Variants in HLTF observed in about 807,000 individuals in gnomAD.
HLTF encodes DNA-dependent ATPase/E3 ubiquitin-protein ligase HLTF.
In HLTF, 127 loss-of-function variants were observed where a neutral mutation model predicts 129.4. That is an observed-to-expected ratio of 0.98 (90% CI 0.85 to 1.14). The LOEUF (loss-of-function observed/expected upper bound fraction) is 1.14, where lower values mean the gene tolerates loss of function less well. Ranked by LOEUF, HLTF falls within the 50% of genes most tolerant of loss-of-function variation. The pLI is 0.00. For missense variants in HLTF, 1,139 were observed against 1,187.1 expected, an observed-to-expected ratio of 0.96 and a Z score of 0.60; for synonymous variants, 332 against 388.8, an observed-to-expected ratio of 0.85 and a Z score of 1.72.
intron 2 of HLTF, among the ~76,000 whole-genome samples, chr3:149,078,854 C>A (rs1433376378): frequency 1.6e-5 from 2 of 127,106 alleles, no homozygotes; most frequent in Non-Finnish European, 1.6e-5. Flanking sequence ...AAGACTCCGT[C>A]TCAAAAAAAA....
chr3:149,044,747 A>G (rs577213175), intron 18 of HLTF, among the ~76,000 whole-genome samples: 1 of 152,294 alleles, frequency 6.6e-6, no homozygotes, highest in Admixed American at 6.5e-5. Context: ...TATGCAGGTA[A>G]AAAGGCTTGA....
At chr3:149,073,651 T>C (rs1559879831) in intron 4 of HLTF, among the ~76,000 whole-genome samples, 1 of 152,214 alleles carries the variant, frequency 6.6e-6, no homozygotes, top group Non-Finnish European at 1.5e-5. Context: ...CCACTGATCG[T>C]GGCCACTGTA....
chr3:149,050,703 G>A (rs745827729), intron 14 of HLTF, among the ~76,000 whole-genome samples: 1 of 152,092 alleles, frequency 6.6e-6, no homozygotes, highest in Non-Finnish European at 1.5e-5. Flanking sequence ...TTAGTTAGCA[G>A]ACTTAATAAT....
At chr3:149,041,411 C>T in intron 20 of HLTF, 79 bp downstream of exon 20, 1 of 878,486 alleles carries the variant, frequency 1.1e-6, no homozygotes, top group Non-Finnish European at 1.6e-6. Context: ...TGCAAAACTC[C>T]ATATACTATC....
Position 149,040,042 on chromosome 3 carries a change from A to G in HLTF, c.2491T>C (p.Ser831Pro). Residue 831 changes from serine (S) to proline (P), a missense_variant, in exon 21 of 25, where the codon TCC (serine) becomes CCC (proline). Coordinates refer to ENST00000310053, the MANE Select transcript of HLTF (RefSeq NM_003071.4). ...CATGAGTACTTTACCTTTGAACTGG[A>G]TGTCCATTCCATATCAGACTTTTTC... ...SEKKSDMEWT[S>P]SSKINALMHA... 2 of 1,610,558 alleles carry G rather than the reference A, an allele frequency of 1.2e-6. No homozygotes were observed. Among genetic ancestry groups the G allele is most frequent in the Non-Finnish European group, 1.7e-6 (2 of 1,178,886 alleles).
At chr3:149,085,881 G>T (rs1268817750) in intron 1 of HLTF, among the ~76,000 whole-genome samples, 1 of 152,098 alleles carries the variant, frequency 6.6e-6, no homozygotes, top group Non-Finnish European at 1.5e-5. Context: ...CGTTTTCCTT[G>T]CAAGTGGCGC....
At chr3:149,039,422 C>A (rs935426463) in intron 22 of HLTF, among the ~76,000 whole-genome samples, 159 bp downstream of exon 22, 2 of 152,028 alleles carry the variant, frequency 1.3e-5, no homozygotes, top group Non-Finnish European at 2.9e-5. Context: ...TCTTTAAATT[C>A]TTGTGCTGCC....
intron 23 of HLTF, among the ~76,000 whole-genome samples, chr3:149,038,763 T>A (rs1365568966): frequency 6.6e-6 from 1 of 152,180 alleles, no homozygotes; most frequent in East Asian, 1.9e-4. Flanking sequence ...TCCATTCACC[T>A]TGGCCTCCCA....
At chr3:149,061,259 T>G (rs1384194439) in intron 10 of HLTF, among the ~76,000 whole-genome samples, 2 of 151,704 alleles carry the variant, frequency 1.3e-5, no homozygotes, top group African/African-American at 2.4e-5. Flanking sequence ...TAAAATAAAT[T>G]TGATAGCCGG....
At chr3:149,047,719 T>C (rs1716667323) in intron 17 of HLTF, among the ~76,000 whole-genome samples, 2 of 152,174 alleles carry the variant, frequency 1.3e-5, no homozygotes, top group Non-Finnish European at 2.9e-5. Flanking sequence ...CCTCAAAGGA[T>C]ATACGATGTT....
In HLTF at chr3:149,060,822, A is replaced by G. The variant is rs1210785991; in HGVS notation, c.1197T>C (p.Asp399=). ...KTAVQYIESS[D]SEEIETSELP... is the part of the protein sequence containing the mutation. ...ATTCACTTGTTTCAATTTCCTCTGA[A>G]TCACTGCTTTCTATGTACTGGACAG... The change falls in exon 11 of 25, where the codon GAT becomes GAC. Residue 399 remains aspartate (D), a synonymous_variant. Transcript: ENST00000310053. 1.2e-6 allele frequency: 2 copies of G among 1,613,650 alleles called. No homozygotes were observed. The highest frequency in any genetic ancestry group is 2.7e-5 in the African/African-American group (2 of 74,906).
chr3:149,082,663 A>G (rs906044521), intron 2 of HLTF, among the ~76,000 whole-genome samples: 9 of 152,178 alleles, frequency 5.9e-5, no homozygotes, highest in African/African-American at 1.9e-4. Context: ...TCATACGTAA[A>G]CCACATCTCA....
At chr3:149,048,371 C>G (rs538036310) in intron 16 of HLTF, among the ~76,000 whole-genome samples, 1 of 152,278 alleles carries the variant, frequency 6.6e-6, no homozygotes, top group Non-Finnish European at 1.5e-5. Context: ...TAATTTTTAG[C>G]TCTCACATGA....
In HLTF at chr3:149,086,504, C is replaced by G. The variant is rs1182636987; in HGVS notation, c.-168G>C. ...GTAAGTCGCCGCGAGTCCAGTCAGA[C>G]GTCGACGCCGTCTCCTTCTGCAACA... On this transcript the variant is annotated 5_prime_UTR_variant, in exon 1 of 25. Transcript: ENST00000310053. 6.0e-6 allele frequency: 4 copies of G among 664,096 alleles called. No homozygotes were observed. The highest frequency in any genetic ancestry group is 7.8e-6 in the Non-Finnish European group (3 of 384,408). 41.1% of individuals were successfully genotyped at this position (664,096 alleles called of 1,614,324 possible).
rs1270217853 is a variant in HLTF, at chr3:149,041,507, C to G, written c.2359G>C (p.Val787Leu). The G allele has an allele frequency of 6.2e-7, 1 of 1,612,636 alleles. No homozygotes were observed. The highest frequency in any genetic ancestry group is 1.3e-5 in the African/African-American group (1 of 74,882). Residue 787 changes from valine (V) to leucine (L), a missense_variant, in exon 20 of 25, where the codon GTC becomes CTC. Val to Leu is a conservative substitution (Grantham distance 32). Transcript: ENST00000310053. Reference sequence around the variant, plus strand: ...AAACTAACCTGCTCATTCTGAATGACTTGGCAAATACAGGGTTTACAAAAT... The same window carrying G: ...AAACTAACCTGCTCATTCTGAATGAGTTGGCAAATACAGGGTTTACAAAAT... ...HVFCKPCICQ[V>L]IQNEQPHAKC...
rs199988419 is a variant in HLTF, at chr3:149,030,415, AACTT to A, written c.*1801_*1804del. ...GAGACATTTTTTAAACAACTTGCCA[AACTT>A]ACTTATGAGTGTGTTTTAAAAACAA... is the stretch of plus-strand genomic sequence containing the variant. On this transcript the variant is annotated 3_prime_UTR_variant, in exon 25 of 25. Transcript: ENST00000310053. 6 of 152,310 alleles carry A rather than the reference AACTT, an allele frequency of 3.9e-5. No individual in the cohort carries two copies. Among genetic ancestry groups the A allele is most frequent in the Admixed American group, 6.5e-5 (1 of 15,292 alleles). 9.4% of individuals were successfully genotyped at this position (152,310 alleles called of 1,614,324 possible).
intron 9 of HLTF, among the ~76,000 whole-genome samples, chr3:149,063,955 G>A (rs1576606723): frequency 1.3e-5 from 2 of 152,198 alleles, no homozygotes; most frequent in South Asian, 2.1e-4. Context: ...ATCCATACCA[G>A]AATGATCCAT....
intron 2 of HLTF, among the ~76,000 whole-genome samples, chr3:149,082,629 T>G (rs887367731): frequency 1.3e-5 from 2 of 152,204 alleles, no homozygotes; most frequent in South Asian, 4.1e-4. Flanking sequence ...ACTAGGATCA[T>G]ACATTTAAAA....
At chr3:149,060,933 A>G (rs1162491922) in intron 10 of HLTF, 75 bp from the exon 11 acceptor site, 1 of 994,024 alleles carries the variant, frequency 1.0e-6, no homozygotes, top group African/African-American at 1.6e-5. Flanking sequence ...TGTTTAATAA[A>G]TGCAATAAAA....
Sources: gnomAD v4.1 joint callset for allele counts (sites outside exome capture counted in the v4.1 genomes callset) on GRCh38, gnomAD v4.1.1 for gene constraint, MANE v1.5 for transcripts, NCBI Gene and HGNC (gene_info 2026-07-23, HGNC 2026-07-21) for gene names.